MDGA2: variants seen among roughly 807,000 people sequenced by gnomAD.
The protein encoded by MDGA2 is MAM domain containing glycosylphosphatidylinositol anchor 2, also known as MAM domain-containing glycosylphosphatidylinositol anchor protein 2.
In MDGA2, 40 loss-of-function variants were observed where a neutral mutation model predicts 117.8. The observed-to-expected ratio is 0.34, with a 90% CI of 0.26 to 0.44. MDGA2 has a LOEUF of 0.44. Ranked by LOEUF, MDGA2 falls within the 20% of genes least tolerant of loss-of-function variation. The pLI is 1.00. For missense variants in MDGA2, 1,123 were observed against 1,250.6 expected (o/e 0.90, Z 1.54); for synonymous variants, 452 against 439.0 (o/e 1.03, Z -0.37).
chr14:47,439,239 A>G (rs928733885), intron 1 of MDGA2, among the ~76,000 whole-genome samples: 6 of 152,162 alleles, frequency 3.9e-5, no homozygotes, highest in Admixed American at 3.3e-4. Context: ...TATGGCAATG[A>G]CTTAAGTCAA....
chr14:47,205,990 C>G (rs904434703), intron 3 of MDGA2, among the ~76,000 whole-genome samples: 1 of 151,942 alleles, frequency 6.6e-6, no homozygotes, highest in Non-Finnish European at 1.5e-5. Flanking sequence ...GAATTTTACT[C>G]CCACAAAGGG....
chr14:47,145,882 C>T (rs1200864198), intron 3 of MDGA2, among the ~76,000 whole-genome samples: 1 of 152,044 alleles, frequency 6.6e-6, no homozygotes, highest in African/African-American at 2.4e-5. Context: ...TGATTCTATG[C>T]TGTTTTCTTG....
At chr14:46,939,748 C>A (rs549140623) in intron 9 of MDGA2, among the ~76,000 whole-genome samples, 1 of 152,188 alleles carries the variant, frequency 6.6e-6, no homozygotes, top group East Asian at 1.9e-4. Context: ...ATCATTTTGT[C>A]CTTTCACAGA....
chr14:47,326,683 G>A (rs968938338), intron 1 of MDGA2, among the ~76,000 whole-genome samples: 2 of 81,164 alleles, frequency 2.5e-5, no homozygotes, highest in Admixed American at 3.4e-4. Context: ...CAGTAAGATA[G>A]TATACACACA....
At chr14:47,110,158 AC>A (rs1172007311) in intron 5 of MDGA2, among the ~76,000 whole-genome samples, 2 of 131,758 alleles carry the variant, frequency 1.5e-5, no homozygotes, top group African/African-American at 6.1e-5. Context: ...AATGTAATGC[AC>A]CACTCCCAAA....
chr14:47,252,391 A>C (rs1458254815), intron 2 of MDGA2, among the ~76,000 whole-genome samples: 1 of 152,220 alleles, frequency 6.6e-6, no homozygotes, highest in Non-Finnish European at 1.5e-5. Context: ...ATCATAATAC[A>C]CACACAAGTC....
At chr14:47,381,752 C>G (rs142899397) in intron 1 of MDGA2, among the ~76,000 whole-genome samples, 12,117 of 151,974 alleles carry the variant, frequency 0.08, 545 homozygotes, top group Non-Finnish European at 0.089. Flanking sequence ...CTCATGGGTA[C>G]GAAGAATCAA....
At chr14:47,246,538 G>T (rs1192355512) in intron 2 of MDGA2, among the ~76,000 whole-genome samples, 1 of 151,588 alleles carries the variant, frequency 6.6e-6, no homozygotes, top group East Asian at 1.9e-4. Context: ...GACAGGTATA[G>T]GAGGTTGAGC....
chr14:47,440,890 T>C (rs900606558), intron 1 of MDGA2, among the ~76,000 whole-genome samples: 2 of 152,036 alleles, frequency 1.3e-5, no homozygotes, highest in African/African-American at 4.8e-5. Flanking sequence ...TTTTCAGAGG[T>C]AGAATTAAAT....
intron 1 of MDGA2, among the ~76,000 whole-genome samples, chr14:47,402,241 A>T (rs1343047831): frequency 6.6e-6 from 1 of 151,980 alleles, no homozygotes; most frequent in African/African-American, 2.4e-5. Context: ...TGGCAAACCA[A>T]GTGGTATTGT....
At chr14:47,617,641 T>C (rs938068645) in intron 1 of MDGA2, among the ~76,000 whole-genome samples, 1 of 152,202 alleles carries the variant, frequency 6.6e-6, no homozygotes, top group African/African-American at 2.4e-5. Flanking sequence ...TTATTAACTG[T>C]CTCCTAACAC....
intron 1 of MDGA2, among the ~76,000 whole-genome samples, chr14:47,343,633 TTATC>T (rs1445309372): frequency 2.6e-5 from 4 of 152,164 alleles, no homozygotes; most frequent in Admixed American, 6.6e-5. Flanking sequence ...TTTTCATTAA[TTATC>T]TAAATAAAAT....
intron 6 of MDGA2, among the ~76,000 whole-genome samples, chr14:47,092,470 A>G (rs1879713235): frequency 6.6e-6 from 1 of 152,152 alleles, no homozygotes. Context: ...AATTAAAGGT[A>G]AAAGAAGAGT....
At chr14:47,053,630 TATATATATATATATATATATATATACAC>T (rs1257155236) in intron 7 of MDGA2, among the ~76,000 whole-genome samples, 6 of 99,440 alleles carry the variant, frequency 6.0e-5, no homozygotes, top group African/African-American at 1.2e-4. Context: ...TATATATATA[TATATATATATATATATATATATATACAC>T]ACACACACAC....
intron 1 of MDGA2, among the ~76,000 whole-genome samples, chr14:47,496,939 A>T (rs1894293825): frequency 6.6e-6 from 1 of 151,994 alleles, no homozygotes; most frequent in Non-Finnish European, 1.5e-5. Context: ...ATCAGGCATT[A>T]GATTCTCATA....
intron 1 of MDGA2, among the ~76,000 whole-genome samples, chr14:47,595,553 AAAAC>A (rs1361308472): frequency 5.0e-5 from 7 of 139,746 alleles, no homozygotes; most frequent in South Asian, 4.5e-4. Context: ...AAAACAAAAA[AAAAC>A]AAAAAAAAAA....
At chr14:47,195,254 T>C (rs1422030665) in intron 3 of MDGA2, among the ~76,000 whole-genome samples, 5 of 152,094 alleles carry the variant, frequency 3.3e-5, no homozygotes, top group African/African-American at 9.6e-5. Context: ...GTTTTTAGAT[T>C]TATTTAACTA....
At position 47,260,080 on chromosome 14, in the gene MDGA2, A is replaced by G. The variant is rs570889351; in HGVS notation, c.420+41331T>C. 3.3e-5 allele frequency among the ~76,000 whole-genome samples: 5 copies of G among 152,184 alleles called. No individual in the cohort carries two copies. In the South Asian group the frequency reaches 1.0e-3, roughly 32 times the overall value. On this transcript the variant is annotated intron_variant, in intron 2 of 16. Coordinates refer to ENST00000399232, the MANE Select transcript of MDGA2 (RefSeq NM_001113498.3). ...AGTTAAGAAAATTCATTCAGTCTCAAATGGTGCTAGATGGAAAAATGGTAA... is the reference window on the plus strand; with the variant it reads ...AGTTAAGAAAATTCATTCAGTCTCAGATGGTGCTAGATGGAAAAATGGTAA...
intron 9 of MDGA2, among the ~76,000 whole-genome samples, chr14:46,933,799 AATATATAT>A (rs34723414): frequency 0.022 from 1,863 of 86,576 alleles, 57 homozygotes; most frequent in African/African-American, 0.03. Flanking sequence ...TTATGTAACA[AATATATAT>A]ATATATATAT....
Sources: allele counts gnomAD v4.1 joint callset (sites outside exome capture counted in the v4.1 genomes callset), GRCh38; gene constraint gnomAD v4.1.1; transcripts MANE v1.5; gene names NCBI Gene and HGNC (gene_info 2026-07-23, HGNC 2026-07-21).